ARMC9: variants seen among roughly 807,000 people sequenced by gnomAD.
ARMC9 encodes the protein armadillo repeat containing 9, also known as lisH domain-containing protein ARMC9.
In ARMC9, 94 loss-of-function variants were observed where a neutral mutation model predicts 107.0. That is an observed-to-expected ratio of 0.88 (90% CI 0.74 to 1.04). The LOEUF (loss-of-function observed/expected upper bound fraction) is 1.04. ARMC9 is among the 50% of genes least tolerant of loss of function. The pLI, the probability that ARMC9 is intolerant of heterozygous loss-of-function variation, is 0.00. For missense variants in ARMC9, 942 were observed against 1,030.1 expected, an observed-to-expected ratio of 0.91 and a Z score of 1.17; for synonymous variants, 380 against 396.9, an observed-to-expected ratio of 0.96 and a Z score of 0.51.
intron 19 of ARMC9, among the ~76,000 whole-genome samples, chr2:231,323,403 G>A (rs2043111968): frequency 6.6e-6 from 1 of 152,200 alleles, no homozygotes; most frequent in African/African-American, 2.4e-5. Flanking sequence ...TCATTGCTGG[G>A]AGGTTCTCTG....
At chr2:231,304,098 C>T (rs1290724859) in intron 19 of ARMC9, among the ~76,000 whole-genome samples, 2 of 151,526 alleles carry the variant, frequency 1.3e-5, no homozygotes, top group East Asian at 2.0e-4. Context: ...GGTGTGGTGG[C>T]GCACGCCTGT....
intron 19 of ARMC9, among the ~76,000 whole-genome samples, chr2:231,301,557 A>G (rs1240671529): frequency 6.6e-6 from 1 of 151,878 alleles, no homozygotes; most frequent in African/African-American, 2.4e-5. Context: ...TACATTTCCA[A>G]TTTCATATCC....
rs1559297798 is a variant in ARMC9, at chr2:231,214,959, C to T, written c.306C>T (p.Ile102=). The stretch of plus-strand genomic sequence containing the variant: ...AGAAGCTGGAATTCTATCTCCACAT[C>T]CATTTTGCCATCTATCTTTTGAAGT... The part of the protein sequence containing the change: ...FAQKLEFYLH[I]HFAIYLLKYS... The change falls in exon 4 of 25, where the codon ATC becomes ATT. Residue 102 remains isoleucine, a synonymous_variant. Coordinates refer to ENST00000611582, the MANE Select transcript of ARMC9 (RefSeq NM_001352754.2). 6.2e-7 allele frequency: 1 copy of T among 1,613,980 alleles called. No homozygotes were observed. The highest frequency in any genetic ancestry group is 1.3e-5 in the African/African-American group (1 of 74,886).
At chr2:231,263,377 C>T (rs928244797) in intron 12 of ARMC9, among the ~76,000 whole-genome samples, 7 of 152,260 alleles carry the variant, frequency 4.6e-5, no homozygotes, top group South Asian at 4.1e-4. Context: ...AAGAGCATGG[C>T]GCCAGCATCT....
rs181299320 is a variant in ARMC9 at position 231,376,213 on chromosome 2, C to T, written c.*4678C>T. Among the ~76,000 whole-genome samples, 627 of 152,170 alleles carry T rather than the reference C, an allele frequency of 4.1e-3. 3 individuals are homozygous for T. The highest frequency in any genetic ancestry group is 0.014 in the African/African-American group (596 of 41,510). ...TTTGCGCAATATGAAATCTGAGCAC[C>T]TTGAAAAAAGAACAGGGTAACAGCA... On this transcript the variant is annotated 3_prime_UTR_variant, in exon 25 of 25. Coordinates refer to ENST00000611582, the MANE Select transcript of ARMC9 (RefSeq NM_001352754.2).
intron 16 of ARMC9, among the ~76,000 whole-genome samples, chr2:231,281,633 G>A (rs1468517127): frequency 6.6e-6 from 1 of 152,170 alleles, no homozygotes; most frequent in Non-Finnish European, 1.5e-5. Flanking sequence ...CCTGGTTCAT[G>A]GACGATGATG....
chr2:231,369,735 AG>A (rs1226511476), intron 23 of ARMC9, among the ~76,000 whole-genome samples: 4 of 151,852 alleles, frequency 2.6e-5, no homozygotes, highest in Admixed American at 2.6e-4. Context: ...CTGGAATTAC[AG>A]GTGCCCGCCA....
At chr2:231,204,477 C>G (rs1292819067) in intron 1 of ARMC9, among the ~76,000 whole-genome samples, 1 of 152,146 alleles carries the variant, frequency 6.6e-6, no homozygotes, top group African/African-American at 2.4e-5. Flanking sequence ...CCATCAACCA[C>G]TCTATCTAAA....
At chr2:231,324,455 A>T (rs1196739715) in intron 19 of ARMC9, among the ~76,000 whole-genome samples, 9 of 95,494 alleles carry the variant, frequency 9.4e-5, no homozygotes, top group South Asian at 5.0e-4. Context: ...TGTTTTAATT[A>T]AAAAAAAAAA....
intron 12 of ARMC9, among the ~76,000 whole-genome samples, chr2:231,267,816 G>A (rs889124499): frequency 6.6e-5 from 10 of 152,190 alleles, no homozygotes; most frequent in Non-Finnish European, 1.5e-4. Context: ...TTTGGAACAC[G>A]GGCAGCGTTT....
At chr2:231,241,084 G>A (rs534930946) in intron 9 of ARMC9, among the ~76,000 whole-genome samples, 58 of 151,932 alleles carry the variant, frequency 3.8e-4, no homozygotes, top group African/African-American at 1.4e-3. Flanking sequence ...TGTAGTCCCA[G>A]CTACTTGGGA....
At chr2:231,232,118 C>T (rs532894372) in intron 7 of ARMC9, among the ~76,000 whole-genome samples, 5 of 151,104 alleles carry the variant, frequency 3.3e-5, no homozygotes, top group Admixed American at 1.3e-4. Flanking sequence ...CTCCACCTCC[C>T]TGGTTCAAGC....
chr2:231,237,749 A>ATATG (rs1209730927), intron 8 of ARMC9, among the ~76,000 whole-genome samples: 52 of 51,440 alleles, frequency 1.0e-3, no homozygotes, highest in Non-Finnish European at 1.5e-3. Flanking sequence ...GTTCTTGGCT[A>ATATG]TATGTATATA....
intron 23 of ARMC9, among the ~76,000 whole-genome samples, chr2:231,369,033 T>A (rs1322263515): frequency 1.3e-5 from 2 of 152,208 alleles, no homozygotes; most frequent in African/African-American, 2.4e-5. Context: ...TTCCCAGAAC[T>A]ATACTTCCAT....
At chr2:231,298,643 A>G (rs981741386) in intron 19 of ARMC9, among the ~76,000 whole-genome samples, 1 of 152,210 alleles carries the variant, frequency 6.6e-6, no homozygotes, top group African/African-American at 2.4e-5. Context: ...TAGCAACTCT[A>G]AAGATAAAAT....
chr2:231,243,398 G>A (rs140014229), intron 9 of ARMC9, among the ~76,000 whole-genome samples: 7 of 152,310 alleles, frequency 4.6e-5, no homozygotes, highest in African/African-American at 1.7e-4. Context: ...GGGTGACAGA[G>A]TGAGAGCCTG....
At chr2:231,232,270 C>A (rs573525839) in intron 7 of ARMC9, among the ~76,000 whole-genome samples, 3 of 149,550 alleles carry the variant, frequency 2.0e-5, no homozygotes, top group Non-Finnish European at 4.5e-5. Flanking sequence ...GTGATCCACC[C>A]GCCTCGGCCT....
chr2:231,345,225 A>G, intron 21 of ARMC9, 135 bp downstream of exon 21: 1 of 1,452,278 alleles, frequency 6.9e-7, no homozygotes, highest in Non-Finnish European at 9.1e-7. Flanking sequence ...TTTTTGGGGG[A>G]TTTTTGGAGG....
chr2:231,247,355 GC>G (rs1226947920), intron 9 of ARMC9, among the ~76,000 whole-genome samples: 2 of 152,210 alleles, frequency 1.3e-5, no homozygotes, highest in African/African-American at 4.8e-5. Context: ...TAAGGCACCT[GC>G]TTCCACCTCA....
Sources: allele counts gnomAD v4.1 joint callset (sites outside exome capture counted in the v4.1 genomes callset), GRCh38; gene constraint gnomAD v4.1.1; transcripts MANE v1.5; gene names NCBI Gene and HGNC (gene_info 2026-07-23, HGNC 2026-07-21).